The following NIPAL2 variants were observed in gnomAD, a reference collection of about 807,000 sequenced individuals.
NIPAL2 encodes NIPA-like protein 2.
NIPAL2 carries 43 observed loss-of-function variants against 48.9 expected under a neutral mutation model. The ratio of observed to expected loss-of-function variants is 0.88; its 90% CI spans 0.69 to 1.13. NIPAL2 has a LOEUF of 1.13. Ranked by LOEUF, NIPAL2 falls within the 50% of genes most tolerant of loss-of-function variation. The probability of loss-of-function intolerance (pLI) is 0.00; values close to 1 mark genes in which losing one functional copy is unlikely to be tolerated. For missense variants in NIPAL2, 446 were observed against 461.4 expected (o/e 0.97, Z 0.31); for synonymous variants, 167 against 174.6 (o/e 0.96, Z 0.34).
intron 1 of NIPAL2, among the ~76,000 whole-genome samples, chr8:98,290,251 G>C (rs1340246169): frequency 6.6e-6 from 1 of 152,122 alleles, no homozygotes; most frequent in Admixed American, 6.5e-5. Context: ...TCCCTGCCAA[G>C]TTGTATCAAT....
intron 1 of NIPAL2, among the ~76,000 whole-genome samples, chr8:98,268,550 G>A (rs760434436): frequency 4.0e-5 from 6 of 151,598 alleles, no homozygotes; most frequent in Non-Finnish European, 2.9e-5. Context: ...GAACCCGAGA[G>A]GTGGAGGTTG....
intron 10 of NIPAL2, among the ~76,000 whole-genome samples, chr8:98,193,933 G>T (rs1049405028): frequency 1.3e-5 from 2 of 152,118 alleles, no homozygotes; most frequent in Non-Finnish European, 2.9e-5. Flanking sequence ...AAGATGGCTC[G>T]AATGGCAAAG....
At chr8:98,206,508 C>T (rs527309632) in intron 6 of NIPAL2, among the ~76,000 whole-genome samples, 27 of 151,986 alleles carry the variant, frequency 1.8e-4, no homozygotes, top group South Asian at 6.2e-4. Flanking sequence ...CATAATTGGC[C>T]GGGCGCGGTG....
At chr8:98,256,847 C>G (rs1305950851) in intron 1 of NIPAL2, among the ~76,000 whole-genome samples, 2 of 152,060 alleles carry the variant, frequency 1.3e-5, no homozygotes, top group African/African-American at 4.8e-5. Flanking sequence ...TATTTGTACA[C>G]TTATATTCAA....
At position 98,281,134 on chromosome 8, in the gene NIPAL2, A is replaced by G. The variant is rs535380037; in HGVS notation, c.135+12869T>C. Among the ~76,000 whole-genome samples, 12 of 152,262 alleles carry G rather than the reference A, an allele frequency of 7.9e-5. No homozygotes were observed. The East Asian group carries it at 1.2e-3, about 15-fold the overall frequency. The stretch of plus-strand genomic sequence containing the variant: ...AACACACTATGTAGAGGGAAAGGAC[A>G]TGAAATGAAAGTGATTAGAGAGAAG... On this transcript the variant is annotated intron_variant, in intron 1 of 10. Coordinates refer to ENST00000430223, the MANE Select transcript of NIPAL2 (RefSeq NM_001321635.2).
intron 1 of NIPAL2, among the ~76,000 whole-genome samples, chr8:98,291,004 G>C (rs1031536649): frequency 6.6e-6 from 1 of 152,182 alleles, no homozygotes. Context: ...TGTATCTGTA[G>C]GCTGGATTTA....
chr8:98,269,254 A>G (rs887556851), intron 1 of NIPAL2, among the ~76,000 whole-genome samples: 9 of 152,216 alleles, frequency 5.9e-5, no homozygotes, highest in Non-Finnish European at 1.3e-4. Context: ...GGCATATGGA[A>G]TGGTGAACCC....
intron 1 of NIPAL2, among the ~76,000 whole-genome samples, chr8:98,266,617 A>G (rs894943860): frequency 1.3e-5 from 2 of 152,036 alleles, no homozygotes; most frequent in Admixed American, 1.3e-4. Flanking sequence ...GTGATCCAAC[A>G]ATGTGCCCAG....
At chr8:98,261,558 C>T (rs1171513774) in intron 1 of NIPAL2, among the ~76,000 whole-genome samples, 5 of 126,292 alleles carry the variant, frequency 4.0e-5, no homozygotes, top group South Asian at 3.0e-4. Flanking sequence ...TGAAATGAAG[C>T]GAGAAGGGAA....
chr8:98,235,888 A>C (rs917900949), intron 4 of NIPAL2, among the ~76,000 whole-genome samples: 3 of 151,326 alleles, frequency 2.0e-5, no homozygotes, highest in Non-Finnish European at 4.4e-5. Context: ...ATCATAAATT[A>C]TTTTATAATA....
intron 3 of NIPAL2, among the ~76,000 whole-genome samples, chr8:98,246,450 C>T (rs765128082): frequency 2.0e-5 from 3 of 152,118 alleles, no homozygotes; most frequent in African/African-American, 7.2e-5. Context: ...AGTAACAGTG[C>T]GACTACTTCT....
At chr8:98,247,681 C>T (rs1354909470) in intron 3 of NIPAL2, among the ~76,000 whole-genome samples, 1 of 152,104 alleles carries the variant, frequency 6.6e-6, no homozygotes, top group Admixed American at 6.5e-5. Context: ...TTCTAATTCA[C>T]AAAACGGCAC....
intron 4 of NIPAL2, among the ~76,000 whole-genome samples, chr8:98,231,191 C>T (rs1432268712): frequency 6.6e-6 from 1 of 152,234 alleles, no homozygotes; most frequent in South Asian, 2.1e-4. Flanking sequence ...CTTATGGTAG[C>T]TAAACCTTGA....
At chr8:98,241,658 C>A (rs1812985993) in intron 3 of NIPAL2, among the ~76,000 whole-genome samples, 1 of 152,042 alleles carries the variant, frequency 6.6e-6, no homozygotes, top group Non-Finnish European at 1.5e-5. Context: ...GGATATTATG[C>A]AGCTAATAGA....
chr8:98,205,979 T>A (rs897576466), intron 6 of NIPAL2, among the ~76,000 whole-genome samples: 2 of 152,220 alleles, frequency 1.3e-5, no homozygotes, highest in Non-Finnish European at 2.9e-5. Context: ...GAACAAACTT[T>A]TCGTAGGTTC....
At chr8:98,271,376 CA>C (rs1445627713) in intron 1 of NIPAL2, among the ~76,000 whole-genome samples, 6 of 152,138 alleles carry the variant, frequency 3.9e-5, no homozygotes, top group Non-Finnish European at 7.4e-5. Context: ...TTTCTTTCAG[CA>C]GTATTTTGTA....
rs1814443072 is a variant in NIPAL2, at chr8:98,262,856, A to G, written c.136-8769T>C. ...TTCAGCACCGCACCACACCTGTTCC[A>G]AAATTGACCACATACTTGGAAGTAA... On this transcript the variant is annotated intron_variant, in intron 1 of 10. Coordinates refer to ENST00000430223, the MANE Select transcript of NIPAL2 (RefSeq NM_001321635.2). Among the ~76,000 whole-genome samples the G allele has an allele frequency of 2.6e-5, 4 of 152,334 alleles. No individual in the cohort carries two copies. The South Asian group carries it at 8.3e-4, about 32-fold the overall frequency.
At chr8:98,194,391 A>G (rs1323949331) in intron 10 of NIPAL2, among the ~76,000 whole-genome samples, 2 of 151,918 alleles carry the variant, frequency 1.3e-5, no homozygotes, top group Non-Finnish European at 2.9e-5. Flanking sequence ...ATGTTCCTTC[A>G]AGGCTCTCAA....
chr8:98,193,933 G>A (rs1049405028), intron 10 of NIPAL2, among the ~76,000 whole-genome samples: 5 of 152,118 alleles, frequency 3.3e-5, no homozygotes, highest in African/African-American at 7.2e-5. Flanking sequence ...AAGATGGCTC[G>A]AATGGCAAAG....
Sources: allele counts gnomAD v4.1 joint callset (sites outside exome capture counted in the v4.1 genomes callset), GRCh38; gene constraint gnomAD v4.1.1; transcripts MANE v1.5; gene names NCBI Gene and HGNC (gene_info 2026-07-23, HGNC 2026-07-21).